YWHAG: variants seen among roughly 807,000 people sequenced by gnomAD.
The protein encoded by YWHAG is 14-3-3 protein gamma.
Under a neutral mutation model 23.3 loss-of-function variants are expected in YWHAG, and 1 was observed. The ratio of observed to expected loss-of-function variants is 0.04; its 90% CI spans 0.02 to 0.20. The LOEUF (loss-of-function observed/expected upper bound fraction) is 0.20, where lower values mean the gene tolerates loss of function less well. Among genes scored for constraint, YWHAG ranks in the 10% least tolerant of loss-of-function variants. The probability of loss-of-function intolerance (pLI) is 1.00; values close to 1 mark genes in which losing one functional copy is unlikely to be tolerated. For missense variants in YWHAG, 151 were observed against 338.6 expected (o/e 0.45, Z 4.35); for synonymous variants, 160 against 144.0 (o/e 1.11, Z -0.80).
At chr7:76,340,556 G>A (rs753559646) in intron 1 of YWHAG, among the ~76,000 whole-genome samples, 7 of 152,054 alleles carry the variant, frequency 4.6e-5, no homozygotes, top group South Asian at 2.1e-4. Flanking sequence ...CTCGCCCTCC[G>A]GACAATCATT....
intron 1 of YWHAG, among the ~76,000 whole-genome samples, chr7:76,349,178 T>C (rs569720285): frequency 3.2e-4 from 48 of 151,596 alleles, no homozygotes; most frequent in Admixed American, 1.1e-3. Flanking sequence ...TCATCTCTAC[T>C]AAAAATACAA....
chr7:76,353,315 T>G (rs566532730), intron 1 of YWHAG, among the ~76,000 whole-genome samples: 1 of 152,126 alleles, frequency 6.6e-6, no homozygotes, highest in African/African-American at 2.4e-5. Flanking sequence ...CAGGTTCAAG[T>G]AATTCTCCGG....
chr7:76,329,811 G>A lies in YWHAG; in HGVS notation c.510C>T (p.Pro170=), dbSNP rs1450964005. 3.7e-5 allele frequency: 60 copies of A among 1,613,722 alleles called. No homozygotes were observed. The highest frequency in any genetic ancestry group is 5.0e-5 in the Non-Finnish European group (59 of 1,179,996). ...ISKEHMQPTH[P]IRLGLALNYS... ...AGTTAAGAGCCAGGCCTAATCGGAT[G>A]GGGTGGGTGGGCTGCATGTGCTCTT... The change falls in exon 2 of 2, where the codon CCC becomes CCT. Residue 170 remains proline (P), a synonymous_variant. Coordinates refer to ENST00000307630, the MANE Select transcript of YWHAG (RefSeq NM_012479.4). This position sits in a 1 kb window ranked among gnomAD's most constrained non-coding sequence, Gnocchi z 6.1.
chr7:76,342,935 G>C (rs1258588948), intron 1 of YWHAG, among the ~76,000 whole-genome samples: 1 of 151,972 alleles, frequency 6.6e-6, no homozygotes, highest in Non-Finnish European at 1.5e-5. Flanking sequence ...TCAGGAATTC[G>C]AGACCAGCCT....
chr7:76,350,199 G>C (rs1237732858), intron 1 of YWHAG, among the ~76,000 whole-genome samples: 1 of 152,136 alleles, frequency 6.6e-6, no homozygotes, highest in Non-Finnish European at 1.5e-5. Context: ...AAGGGAGATG[G>C]GCCCTTGCCT....
Position 76,329,302 on chromosome 7 carries a change from A to T in YWHAG, c.*275T>A. The T allele has an allele frequency of 2.5e-6, 1 of 404,744 alleles. No individual in the cohort carries two copies. The highest frequency in any genetic ancestry group is 4.4e-6 in the Non-Finnish European group (1 of 226,772). The allele number at this position is 404,744 out of a possible 1,614,324, so 25.1% of individuals were successfully genotyped here. On this transcript the variant is annotated 3_prime_UTR_variant, in exon 2 of 2. Transcript: ENST00000307630. The surrounding 1 kb of genome is among the most constrained non-coding windows in gnomAD (Gnocchi z 6.1). ...ACCCTATTATCTAGCAATAAGTTAAATTAGAGACAGACAGCTCCACTTGCA... is the reference window on the plus strand; with the variant it reads ...ACCCTATTATCTAGCAATAAGTTAATTTAGAGACAGACAGCTCCACTTGCA...
At chr7:76,354,319 T>G (rs1803918380) in intron 1 of YWHAG, among the ~76,000 whole-genome samples, 1 of 152,086 alleles carries the variant, frequency 6.6e-6, no homozygotes, top group South Asian at 2.1e-4. Flanking sequence ...GAGCTCAGCC[T>G]GGCCAACATG....
Position 76,326,856 on chromosome 7 carries a change from T to G in YWHAG, c.*2721A>C, listed in dbSNP as rs747331662. 4 of 152,770 alleles carry G rather than the reference T, an allele frequency of 2.6e-5. No individual in the cohort carries two copies. The highest frequency in any genetic ancestry group is 7.2e-5 in the African/African-American group (3 of 41,570). The allele number at this position is 152,770 out of a possible 1,614,324, so 9.5% of individuals were successfully genotyped here. On this transcript the variant is annotated 3_prime_UTR_variant, in exon 2 of 2. Transcript: ENST00000307630. ...ACAGCTACATAATGACTCACATTCA[T>G]GATATTCCATCACTGAGGAAACTGC...
intron 1 of YWHAG, among the ~76,000 whole-genome samples, chr7:76,353,380 T>C (rs1014341605): frequency 2.0e-5 from 3 of 152,092 alleles, no homozygotes; most frequent in African/African-American, 7.2e-5. Flanking sequence ...GCCCAGCTAA[T>C]TTTTTGTATT....
intron 1 of YWHAG, among the ~76,000 whole-genome samples, chr7:76,340,524 T>C (rs1413862235): frequency 2.0e-5 from 3 of 152,334 alleles, no homozygotes; most frequent in Non-Finnish European, 2.9e-5. Flanking sequence ...CAGAAATGGA[T>C]TTTTCAACAA....
Position 76,356,127 on chromosome 7 carries a change from G to A in YWHAG, c.87+2595C>T, listed in dbSNP as rs188645019. On this transcript the variant is annotated intron_variant, in intron 1 of 1. Coordinates refer to ENST00000307630, the MANE Select transcript of YWHAG (RefSeq NM_012479.4). ...ATCCCTTTATCAACAGGATGATTTC[G>A]GCCTTAAAAGAGAGCTCACTTGAGT... Among the ~76,000 whole-genome samples, 674 of 152,176 alleles carry A rather than the reference G, an allele frequency of 4.4e-3. 1 individual carries two copies. Among genetic ancestry groups the A allele is most frequent in the Admixed American group, 9.9e-3 (151 of 15,286 alleles).
chr7:76,339,817 G>A (rs187471505), intron 1 of YWHAG, among the ~76,000 whole-genome samples: 7 of 152,158 alleles, frequency 4.6e-5, no homozygotes, highest in East Asian at 1.9e-4. Flanking sequence ...TGCCAAGTGC[G>A]GCGGCTCACA....
Position 76,329,603 on chromosome 7 carries a change from C to T in YWHAG, c.718G>A (p.Asp240Asn), listed in dbSNP as rs1803512116. The T allele has an allele frequency of 1.9e-6, 3 of 1,610,790 alleles. No homozygotes were observed. The highest frequency in any genetic ancestry group is 1.3e-5 in the African/African-American group (1 of 74,998). Reference protein sequence around the residue: ...LTLWTSDQQDDDGGEGNN With the variant: ...LTLWTSDQQDNDGGEGNN ...TAATTGTTGCCTTCGCCGCCATCGT[C>T]GTCCTGCTGGTCGCTCGTCCAGAGC... The change falls in exon 2 of 2, where the codon GAC (aspartate) becomes AAC (asparagine). Residue 240 changes from aspartate (D) to asparagine (N), a missense_variant. Asp to Asn is a conservative substitution (Grantham distance 23). Transcript: ENST00000307630. This position sits in a 1 kb window ranked among gnomAD's most constrained non-coding sequence, Gnocchi z 6.1.
chr7:76,339,808 G>A (rs914893219), intron 1 of YWHAG, among the ~76,000 whole-genome samples: 1 of 152,098 alleles, frequency 6.6e-6, no homozygotes, highest in African/African-American at 2.4e-5. Flanking sequence ...AATATTTTCT[G>A]CCAAGTGCGG....
chr7:76,344,556 G>A (rs1803747774), intron 1 of YWHAG, among the ~76,000 whole-genome samples: 1 of 152,076 alleles, frequency 6.6e-6, no homozygotes, highest in Admixed American at 6.6e-5. Flanking sequence ...AGTTGAAAAG[G>A]TTCTTAAACA....
intron 1 of YWHAG, among the ~76,000 whole-genome samples, chr7:76,356,331 T>C (rs1400362810): frequency 6.6e-6 from 1 of 152,234 alleles, no homozygotes; most frequent in Non-Finnish European, 1.5e-5. Context: ...GGACAGAGCC[T>C]ATTTCCTTAA....
chr7:76,330,383 T>C (rs968967366), intron 1 of YWHAG, 150 bp from the exon 2 acceptor site: 1 of 859,914 alleles, frequency 1.2e-6, no homozygotes, highest in Non-Finnish European at 1.7e-6. Flanking sequence ...GGGCTGGAGG[T>C]GGAGCACACA....
intron 1 of YWHAG, among the ~76,000 whole-genome samples, chr7:76,333,128 C>A (rs548849115): frequency 1.3e-5 from 2 of 152,170 alleles, no homozygotes; most frequent in East Asian, 1.9e-4. Context: ...GCCACCACAC[C>A]CAGCTAATTT....
At chr7:76,332,245 C>T (rs1803553681) in intron 1 of YWHAG, among the ~76,000 whole-genome samples, 1 of 152,144 alleles carries the variant, frequency 6.6e-6, no homozygotes, top group Non-Finnish European at 1.5e-5. Flanking sequence ...GTTCCCGGCA[C>T]TTCTGCAAAC....
Sources: allele counts gnomAD v4.1 joint callset (sites outside exome capture counted in the v4.1 genomes callset), GRCh38; gene constraint gnomAD v4.1.1; non-coding constraint Gnocchi (gnomAD v3.1); transcripts MANE v1.5; gene names NCBI Gene and HGNC (gene_info 2026-07-23, HGNC 2026-07-21).